Variants in DIAPH3 observed in about 807,000 individuals in gnomAD.
DIAPH3 encodes the protein protein diaphanous homolog 3.
In DIAPH3, 117 loss-of-function variants were observed where a neutral mutation model predicts 144.3. The ratio of observed to expected loss-of-function variants is 0.81; its 90% CI spans 0.70 to 0.95. The LOEUF (loss-of-function observed/expected upper bound fraction) is 0.95, where lower values mean the gene tolerates loss of function less well. Among genes scored for constraint, DIAPH3 ranks in the 40% least tolerant of loss-of-function variants. The pLI is 0.00. For missense variants in DIAPH3, 1,421 were observed against 1,412.7 expected (o/e 1.01, Z -0.09); for synonymous variants, 519 against 488.9 (o/e 1.06, Z -0.81).
intron 20 of DIAPH3, among the ~76,000 whole-genome samples, chr13:59,891,292 T>TG: frequency 6.6e-6 from 1 of 152,088 alleles, no homozygotes. Context: ...GAATGATGCA[T>TG]GGCTGGTAAT....
intron 5 of DIAPH3, among the ~76,000 whole-genome samples, chr13:60,024,487 ACTTT>A (rs896126173): frequency 3.3e-5 from 5 of 151,938 alleles, no homozygotes; most frequent in Non-Finnish European, 5.9e-5. Flanking sequence ...CTTTGCTGAG[ACTTT>A]CTATTTTTTT....
At chr13:59,728,509 G>A (rs1220399734) in intron 27 of DIAPH3, among the ~76,000 whole-genome samples, 3 of 151,976 alleles carry the variant, frequency 2.0e-5, no homozygotes, top group Non-Finnish European at 4.4e-5. Flanking sequence ...TGACACTGTA[G>A]AAAGAAATTG....
chr13:59,918,843 T>A (rs375729602), intron 18 of DIAPH3, among the ~76,000 whole-genome samples: 22 of 149,176 alleles, frequency 1.5e-4, no homozygotes, highest in African/African-American at 5.2e-4. Flanking sequence ...AGGGACAAAA[T>A]CAGCTGCCAG....
rs148430876 is a variant in DIAPH3 at position 59,819,833 on chromosome 13, T to C, written c.3028-8910A>G. On this transcript the variant is annotated intron_variant, in intron 24 of 27. Coordinates refer to ENST00000400324, the MANE Select transcript of DIAPH3 (RefSeq NM_001042517.2). ...AGACAGTATAATAAGAGGGTAGAAA[T>C]TGAAATCATATTGTTTGGTTTAAAT... is the stretch of plus-strand genomic sequence containing the variant. Among the ~76,000 whole-genome samples, 354 of 151,656 alleles carry C rather than the reference T, an allele frequency of 2.3e-3. 2 individuals are homozygous for C. Among genetic ancestry groups the C allele is most frequent in the Middle Eastern group, 0.014 (4 of 290 alleles).
At chr13:59,666,979 G>A in intron 27 of DIAPH3, 133 bp from the exon 28 acceptor site, 2 of 1,074,814 alleles carry the variant, frequency 1.9e-6, no homozygotes, top group Non-Finnish European at 2.7e-6. Context: ...CAAAGAAACA[G>A]TCAACAGAGT....
chr13:59,942,748 T>C (rs911073512), intron 17 of DIAPH3, among the ~76,000 whole-genome samples: 10 of 152,106 alleles, frequency 6.6e-5, no homozygotes, highest in African/African-American at 2.2e-4. Context: ...AAATATACAA[T>C]TGAAGGGTTT....
At chr13:59,762,962 GA>G (rs2037678779) in intron 27 of DIAPH3, among the ~76,000 whole-genome samples, 1 of 152,028 alleles carries the variant, frequency 6.6e-6, no homozygotes, top group Admixed American at 6.6e-5. Flanking sequence ...GATGCAGTAA[GA>G]AGGCCCTCAC....
chr13:60,013,281 T>A, intron 7 of DIAPH3: 1 of 922,042 alleles, frequency 1.1e-6, no homozygotes, highest in Non-Finnish European at 1.3e-6. Flanking sequence ...ATGTTTTAGG[T>A]AGAGGAAAGT....
chr13:59,920,359 T>C (rs530076770), intron 18 of DIAPH3, among the ~76,000 whole-genome samples: 1 of 151,854 alleles, frequency 6.6e-6, no homozygotes, highest in African/African-American at 2.4e-5. Context: ...GAAAAAGATA[T>C]GCCATGCACA....
At chr13:59,825,557 G>A (rs896585162) in intron 24 of DIAPH3, among the ~76,000 whole-genome samples, 10 of 152,148 alleles carry the variant, frequency 6.6e-5, no homozygotes, top group Non-Finnish European at 1.5e-4. Flanking sequence ...ACCCAGTAAT[G>A]GGATGGCTGG....
intron 27 of DIAPH3, among the ~76,000 whole-genome samples, chr13:59,743,237 G>A (rs769887572): frequency 1.3e-5 from 2 of 152,210 alleles, no homozygotes; most frequent in African/African-American, 4.8e-5. Flanking sequence ...GAATGATTGG[G>A]ATGTTACTGC....
chr13:59,674,974 A>G (rs2032562393), intron 27 of DIAPH3, among the ~76,000 whole-genome samples: 1 of 152,226 alleles, frequency 6.6e-6, no homozygotes, highest in Admixed American at 6.5e-5. Flanking sequence ...CATAAGGGAA[A>G]GGGTAGAGAA....
At position 59,988,199 on chromosome 13, in the gene DIAPH3, A is replaced by G. The variant is rs148722992; in HGVS notation, c.1361+2959T>C. ...AGAAACGGTTCCTGGGTACAAATCA[A>G]AAGTGTTAATCTATGCTTGCCTCTA... On this transcript the variant is annotated intron_variant, in intron 12 of 27. Coordinates refer to ENST00000400324, the MANE Select transcript of DIAPH3 (RefSeq NM_001042517.2). Among the ~76,000 whole-genome samples, 1,120 of 151,962 alleles carry G rather than the reference A, an allele frequency of 7.4e-3. 16 individuals carry two copies. Among genetic ancestry groups the G allele is most frequent in the African/African-American group, 0.025 (1,033 of 41,512 alleles).
chr13:59,735,662 C>T (rs1593705804), intron 27 of DIAPH3, among the ~76,000 whole-genome samples: 1 of 152,040 alleles, frequency 6.6e-6, no homozygotes, highest in South Asian at 2.1e-4. Flanking sequence ...GCTGCTCAAA[C>T]CCATGAGGTA....
chr13:59,793,007 A>G lies in DIAPH3; in HGVS notation c.3163+17781T>C, dbSNP rs1163745154. Among the ~76,000 whole-genome samples, 12 of 152,298 alleles carry G rather than the reference A, an allele frequency of 7.9e-5. No individual in the cohort carries two copies. The South Asian group carries it at 2.5e-3, about 32-fold the overall frequency. The stretch of plus-strand genomic sequence containing the variant: ...TCTCCCACTCCCTGAGAGGGTTTAC[A>G]TGCTTACACACTTCACTCAAGCCTC... On this transcript the variant is annotated intron_variant, in intron 25 of 27. Coordinates refer to ENST00000400324, the MANE Select transcript of DIAPH3 (RefSeq NM_001042517.2).
At chr13:59,763,072 C>A (rs966307264) in intron 27 of DIAPH3, among the ~76,000 whole-genome samples, 2 of 152,058 alleles carry the variant, frequency 1.3e-5, no homozygotes, top group Admixed American at 1.3e-4. Flanking sequence ...TCTGTTAAAA[C>A]AGCAAAAAAT....
At chr13:59,863,882 T>C (rs1349491114) in intron 21 of DIAPH3, among the ~76,000 whole-genome samples, 1 of 152,150 alleles carries the variant, frequency 6.6e-6, no homozygotes, top group South Asian at 2.1e-4. Flanking sequence ...TTAAAACATG[T>C]CCTTGACTAA....
At chr13:59,746,334 G>T (rs1461791869) in intron 27 of DIAPH3, among the ~76,000 whole-genome samples, 1 of 151,664 alleles carries the variant, frequency 6.6e-6, no homozygotes, top group African/African-American at 2.4e-5. Flanking sequence ...AGCGATTCTT[G>T]TGTCTCAGCC....
intron 17 of DIAPH3, among the ~76,000 whole-genome samples, chr13:59,955,452 C>T (rs1405374141): frequency 1.3e-5 from 2 of 152,146 alleles, no homozygotes; most frequent in Non-Finnish European, 2.9e-5. Context: ...GTGAGGCCTT[C>T]CCAGCCATGT....
Sources: gnomAD v4.1 joint callset for allele counts (sites outside exome capture counted in the v4.1 genomes callset) on GRCh38, gnomAD v4.1.1 for gene constraint, MANE v1.5 for transcripts, NCBI Gene and HGNC (gene_info 2026-07-23, HGNC 2026-07-21) for gene names.